PTPRK: variants seen among roughly 807,000 people sequenced by gnomAD.
The protein encoded by PTPRK is protein tyrosine phosphatase receptor type K, also known as receptor-type tyrosine-protein phosphatase kappa.
A neutral mutation model predicts 178.0 loss-of-function variants in PTPRK; 75 were observed. That is an observed-to-expected ratio of 0.42 (90% CI 0.35 to 0.51). The LOEUF is 0.51. PTPRK is among the 20% of genes least tolerant of loss of function. PTPRK has a pLI of 0.02. For synonymous variants in PTPRK, 637 were observed against 620.6 expected (o/e 1.03, Z -0.39); for missense variants, 1,441 against 1,797.8 (o/e 0.80, Z 3.59).
chr6:128,300,251 C>G (rs181146908), intron 3 of PTPRK, among the ~76,000 whole-genome samples: 2 of 151,910 alleles, frequency 1.3e-5, no homozygotes, highest in South Asian at 2.1e-4. Flanking sequence ...TGGAGAAGTA[C>G]GAACACTTTT....
intron 7 of PTPRK, among the ~76,000 whole-genome samples, chr6:128,174,416 T>G (rs1800752098): frequency 6.6e-6 from 1 of 151,918 alleles, no homozygotes; most frequent in Admixed American, 6.6e-5. Context: ...CAGAGGATCA[T>G]TATATAGTGT....
chr6:128,357,267 C>T (rs1044437606), intron 2 of PTPRK, among the ~76,000 whole-genome samples: 1 of 152,152 alleles, frequency 6.6e-6, no homozygotes, highest in African/African-American at 2.4e-5. Context: ...AGTCAGCTCA[C>T]TCGGTAGGTA....
chr6:128,447,061 G>A (rs374738075), intron 1 of PTPRK, among the ~76,000 whole-genome samples: 1 of 152,096 alleles, frequency 6.6e-6, no homozygotes, highest in Admixed American at 6.5e-5. Context: ...ACAGTGCTTT[G>A]CACATGGTGA....
At chr6:128,119,819 G>A (rs1360973888) in intron 7 of PTPRK, among the ~76,000 whole-genome samples, 1 of 151,892 alleles carries the variant, frequency 6.6e-6, no homozygotes, top group African/African-American at 2.4e-5. Flanking sequence ...ATGAACCGAT[G>A]GACATATTTT....
chr6:128,204,568 A>G (rs1583470456), intron 6 of PTPRK, among the ~76,000 whole-genome samples: 3 of 152,276 alleles, frequency 2.0e-5, no homozygotes, highest in Admixed American at 6.5e-5. Context: ...AAGCGAATTT[A>G]CAAGAAGAAA....
intron 1 of PTPRK, among the ~76,000 whole-genome samples, chr6:128,516,154 TG>T (rs1357806779): frequency 1.3e-5 from 2 of 152,118 alleles, no homozygotes; most frequent in African/African-American, 4.8e-5. Context: ...TATATATATG[TG>T]GGGCTCTGTT....
At chr6:128,205,687 C>T (rs1477614717) in intron 6 of PTPRK, among the ~76,000 whole-genome samples, 2 of 146,866 alleles carry the variant, frequency 1.4e-5, no homozygotes, top group African/African-American at 5.1e-5. Flanking sequence ...AGGAGAGTTG[C>T]TCGAACCTGG....
Position 128,184,615 on chromosome 6 carries a change from C to T in PTPRK, c.979G>A (p.Glu327Lys). The T allele has an allele frequency of 1.2e-6, 2 of 1,614,032 alleles. No homozygotes were observed. The highest frequency in any genetic ancestry group is 1.3e-5 in the African/African-American group (1 of 75,016). ...CCTGATGTCATTCGGTACTCTACTT[C>T]TTTCAGGATGATAGGACCATCGCCA... ...IIGDGPIILKEVEYRMTSGSW... is the reference protein window; with the variant it reads ...IIGDGPIILKKVEYRMTSGSW... Residue 327 changes from glutamate (E) to lysine (K), a missense_variant, in exon 7 of 30, where the codon GAA (glutamate) becomes AAA (lysine). Glu to Lys is a moderately conservative substitution (Grantham distance 56). Around this residue, in one of 4 missense-constraint regions of PTPRK, gnomAD observed 945 missense variants for 1,080.6 expected, o/e 0.87. Transcript: ENST00000368226.
At chr6:128,207,447 T>G (rs114202298) in intron 6 of PTPRK, among the ~76,000 whole-genome samples, 3,923 of 152,278 alleles carry the variant, frequency 0.026, 105 homozygotes, top group African/African-American at 0.071. Context: ...TTCAATAGTT[T>G]TAGGAAAATG....
At chr6:128,464,638 CATAT>C (rs10665667) in intron 1 of PTPRK, among the ~76,000 whole-genome samples, 877 of 48,578 alleles carry the variant, frequency 0.018, 24 homozygotes, top group Middle Eastern at 0.04. Flanking sequence ...TATATATACA[CATAT>C]ATATATATAT....
intron 13 of PTPRK, among the ~76,000 whole-genome samples, chr6:128,031,254 T>G (rs1775280328): frequency 6.6e-6 from 1 of 152,196 alleles, no homozygotes; most frequent in Non-Finnish European, 1.5e-5. Context: ...TTTGAACAGG[T>G]GATTTGGCTA....
At chr6:128,046,576 G>A (rs756873523) in intron 13 of PTPRK, among the ~76,000 whole-genome samples, 8 of 152,278 alleles carry the variant, frequency 5.3e-5, no homozygotes, top group Non-Finnish European at 1.0e-4. Context: ...TATTGCTAAT[G>A]TTTTCCTATT....
intron 6 of PTPRK, among the ~76,000 whole-genome samples, chr6:128,209,214 A>C (rs1254711374): frequency 6.6e-6 from 1 of 152,164 alleles, no homozygotes; most frequent in Non-Finnish European, 1.5e-5. Flanking sequence ...ATAATATGTA[A>C]GTAACCTACT....
intron 7 of PTPRK, among the ~76,000 whole-genome samples, chr6:128,113,804 A>G (rs1195538754): frequency 6.6e-6 from 1 of 152,144 alleles, no homozygotes; most frequent in Non-Finnish European, 1.5e-5. Flanking sequence ...CTCACAAGGA[A>G]GAAGTCACAG....
At chr6:128,368,547 AT>A (rs1835841934) in intron 2 of PTPRK, among the ~76,000 whole-genome samples, 1 of 152,092 alleles carries the variant, frequency 6.6e-6, no homozygotes, top group Admixed American at 6.6e-5. Context: ...CTCACTTCCA[AT>A]TTATTTTTAA....
chr6:128,493,261 C>T (rs1165385424), intron 1 of PTPRK, among the ~76,000 whole-genome samples: 1 of 152,140 alleles, frequency 6.6e-6, no homozygotes, highest in Admixed American at 6.5e-5. Flanking sequence ...CAAGCCCAGT[C>T]AATGTACCCC....
chr6:128,182,785 C>T (rs1583367164), intron 7 of PTPRK, among the ~76,000 whole-genome samples: 1 of 152,142 alleles, frequency 6.6e-6, no homozygotes, highest in South Asian at 2.1e-4. Context: ...ATATTATTTA[C>T]ATGCAATCTC....
At chr6:128,496,889 A>T (rs924361074) in intron 1 of PTPRK, among the ~76,000 whole-genome samples, 3 of 152,192 alleles carry the variant, frequency 2.0e-5, no homozygotes, top group African/African-American at 7.2e-5. Flanking sequence ...TTTCTCACAA[A>T]ATCTTACTCA....
At chr6:128,155,662 T>C (rs530791521) in intron 7 of PTPRK, among the ~76,000 whole-genome samples, 138 of 151,894 alleles carry the variant, frequency 9.1e-4, no homozygotes, top group African/African-American at 3.1e-3. Flanking sequence ...ATATATTTTA[T>C]GTGATTCAGT....
Sources: allele counts gnomAD v4.1 joint callset (sites outside exome capture counted in the v4.1 genomes callset), GRCh38; gene constraint gnomAD v4.1.1; regional missense constraint gnomAD v4.1.1; transcripts MANE v1.5; gene names NCBI Gene and HGNC (gene_info 2026-07-23, HGNC 2026-07-21).